SPRED1: variants seen among roughly 807,000 people sequenced by gnomAD.
SPRED1 encodes the protein sprouty-related, EVH1 domain-containing protein 1.
In SPRED1, 18 loss-of-function variants were observed where a neutral mutation model predicts 52.3. The ratio of observed to expected loss-of-function variants is 0.34; its 90% CI spans 0.24 to 0.51. The LOEUF is 0.51. Among genes scored for constraint, SPRED1 ranks in the 20% least tolerant of loss-of-function variants. SPRED1 has a pLI of 0.97. For synonymous variants in SPRED1, 155 were observed against 179.7 expected, an observed-to-expected ratio of 0.86 and a Z score of 1.10; for missense variants, 485 against 551.0, an observed-to-expected ratio of 0.88 and a Z score of 1.20.
intron 2 of SPRED1, among the ~76,000 whole-genome samples, chr15:38,310,153 G>GTGTGTGTGTGTTT (rs373463622): frequency 1.5e-5 from 2 of 132,182 alleles, no homozygotes; most frequent in Non-Finnish European, 3.1e-5. Flanking sequence ...GTGTGTGTGT[G>GTGTGTGTGTGTTT]TTTGGAGACG....
intron 1 of SPRED1, chr15:38,283,484 T>C (rs1232862842): frequency 1.0e-6 from 1 of 983,438 alleles, no homozygotes; most frequent in Non-Finnish European, 1.2e-6. Context: ...TTTTGTGATT[T>C]GTTTCCTTGT....
At chr15:38,316,329 G>A (rs1404816996) in intron 2 of SPRED1, among the ~76,000 whole-genome samples, 2 of 151,782 alleles carry the variant, frequency 1.3e-5, no homozygotes, top group East Asian at 1.9e-4. Flanking sequence ...AATAACATCT[G>A]TTTAATGTTA....
chr15:38,302,817 T>C (rs751591962), intron 2 of SPRED1, among the ~76,000 whole-genome samples: 18 of 152,178 alleles, frequency 1.2e-4, no homozygotes, highest in Non-Finnish European at 2.2e-4. Flanking sequence ...ATGAAAGTAC[T>C]ACCTTTCTTT....
Position 38,252,878 on chromosome 15 carries a change from A to G in SPRED1, c.-308A>G. 1 of 480,462 alleles carries G rather than the reference A, an allele frequency of 2.1e-6. No individual in the cohort carries two copies. The highest frequency in any genetic ancestry group is 4.0e-5 in the East Asian group (1 of 25,134). The allele number at this position is 480,462 out of a possible 1,614,324, so 29.8% of individuals were successfully genotyped here. On this transcript the variant is annotated 5_prime_UTR_variant, in exon 1 of 7. Coordinates refer to ENST00000299084, the MANE Select transcript of SPRED1 (RefSeq NM_152594.3). ...TGGCTGGAGGAGCAGCTCTCCAGTC[A>G]GCCTTTGCAGCCCCTCTCTTTTTCC...
chr15:38,356,486 A>G lies in SPRED1; in HGVS notation c.*4822A>G, dbSNP rs576136057. The G allele has an allele frequency of 1.5e-4, 23 of 152,138 alleles. No homozygotes were observed. Among genetic ancestry groups the G allele is most frequent in the Non-Finnish European group, 3.2e-4 (22 of 67,962 alleles). The allele number at this position is 152,138 out of a possible 1,614,324, so 9.4% of individuals were successfully genotyped here. ...ACTTTTTCTTATTCTCCTAGAGCTT[A>G]TCAAATTATCACATAAGAGATAATT... is the stretch of plus-strand genomic sequence containing the variant. On this transcript the variant is annotated 3_prime_UTR_variant, in exon 7 of 7. Transcript: ENST00000299084.
intron 1 of SPRED1, among the ~76,000 whole-genome samples, chr15:38,298,787 A>G (rs2085546177): frequency 6.6e-6 from 1 of 152,208 alleles, no homozygotes; most frequent in Admixed American, 6.5e-5. Context: ...TCTACAGACC[A>G]ATTTGCTTGT....
intron 2 of SPRED1, among the ~76,000 whole-genome samples, chr15:38,300,538 T>G (rs8031808): frequency 0.92 from 139,203 of 152,030 alleles, 64,976 homozygotes; most frequent in East Asian, 1. Flanking sequence ...TTTTTTTACA[T>G]CTGAATCATT....
At chr15:38,253,956 T>C (rs1894038758) in intron 1 of SPRED1, among the ~76,000 whole-genome samples, 1 of 152,182 alleles carries the variant, frequency 6.6e-6, no homozygotes, top group Non-Finnish European at 1.5e-5. Context: ...CTGAATATGT[T>C]GGTGATTTCA....
At chr15:38,316,035 G>T (rs1356916273) in intron 2 of SPRED1, among the ~76,000 whole-genome samples, 1 of 151,994 alleles carries the variant, frequency 6.6e-6, no homozygotes, top group African/African-American at 2.4e-5. Context: ...TTACACAGTA[G>T]TAACTGTTTT....
intron 1 of SPRED1, among the ~76,000 whole-genome samples, chr15:38,289,283 A>G (rs1894871498): frequency 6.6e-6 from 1 of 151,316 alleles, no homozygotes; most frequent in Non-Finnish European, 1.5e-5. Context: ...GAATAAAATT[A>G]CTTTTTCTGT....
chr15:38,271,650 C>T (rs1894437762), intron 1 of SPRED1, among the ~76,000 whole-genome samples: 1 of 152,092 alleles, frequency 6.6e-6, no homozygotes, highest in Non-Finnish European at 1.5e-5. Flanking sequence ...TTGATTGGTT[C>T]TTTGGTAAAA....
At chr15:38,275,730 T>C (rs1011603850) in intron 1 of SPRED1, among the ~76,000 whole-genome samples, 1 of 152,180 alleles carries the variant, frequency 6.6e-6, no homozygotes, top group Admixed American at 6.5e-5. Flanking sequence ...ACTCCTGACC[T>C]CGTGATCCAC....
At chr15:38,315,217 A>G (rs1045634586) in intron 2 of SPRED1, among the ~76,000 whole-genome samples, 1 of 151,918 alleles carries the variant, frequency 6.6e-6, no homozygotes, top group Admixed American at 6.6e-5. Flanking sequence ...ATTATTTTTC[A>G]TTGGATTCAA....
At chr15:38,304,312 C>G (rs956707204) in intron 2 of SPRED1, among the ~76,000 whole-genome samples, 10 of 152,184 alleles carry the variant, frequency 6.6e-5, no homozygotes, top group Non-Finnish European at 1.2e-4. Context: ...TGTGAAACTT[C>G]AGTCCTACAG....
At chr15:38,264,414 TTAAAGAGCTTGTAGAGTG>T (rs1189577052) in intron 1 of SPRED1, among the ~76,000 whole-genome samples, 6 of 152,150 alleles carry the variant, frequency 3.9e-5, no homozygotes, top group African/African-American at 1.4e-4. Flanking sequence ...TTTGGTAAAG[TTAAAGAGCTTGTAGAGTG>T]TAAGTGGGAA....
intron 1 of SPRED1, among the ~76,000 whole-genome samples, chr15:38,294,013 G>A (rs1595730418): frequency 6.6e-6 from 1 of 151,984 alleles, no homozygotes; most frequent in Non-Finnish European, 1.5e-5. Context: ...TTTTGTTTAT[G>A]TAGTATATGA....
At chr15:38,309,831 T>G (rs1895325141) in intron 2 of SPRED1, among the ~76,000 whole-genome samples, 1 of 152,226 alleles carries the variant, frequency 6.6e-6, no homozygotes, top group Non-Finnish European at 1.5e-5. Flanking sequence ...CAGTTTTTCC[T>G]GCACCATTGT....
At chr15:38,330,970 T>C (rs553397884) in intron 4 of SPRED1, among the ~76,000 whole-genome samples, 1 of 151,710 alleles carries the variant, frequency 6.6e-6, no homozygotes, top group South Asian at 2.1e-4. Flanking sequence ...TCTTTTTTTG[T>C]TTTTTCTGCA....
chr15:38,346,018 C>T (rs1896128322), intron 5 of SPRED1, among the ~76,000 whole-genome samples: 1 of 152,092 alleles, frequency 6.6e-6, no homozygotes, highest in South Asian at 2.1e-4. Context: ...GTCTTTGACT[C>T]GTTTTTTAAT....
Sources: gnomAD v4.1 joint callset for allele counts (sites outside exome capture counted in the v4.1 genomes callset) on GRCh38, gnomAD v4.1.1 for gene constraint, MANE v1.5 for transcripts, NCBI Gene and HGNC (gene_info 2026-07-23, HGNC 2026-07-21) for gene names.